Variants in CUL4A observed in about 807,000 individuals in gnomAD.
CUL4A encodes cullin-4A.
In CUL4A, 16 loss-of-function variants were observed where a neutral mutation model predicts 95.5. The observed-to-expected ratio is 0.17, with a 90% CI of 0.11 to 0.25. CUL4A has a LOEUF of 0.25. Among genes scored for constraint, CUL4A ranks in the 10% least tolerant of loss-of-function variants. CUL4A has a pLI of 1.00. For missense variants in CUL4A, 610 were observed against 937.0 expected, an observed-to-expected ratio of 0.65 and a Z score of 4.56; for synonymous variants, 380 against 353.1, an observed-to-expected ratio of 1.08 and a Z score of -0.85.
Position 113,236,505 on chromosome 13 carries a change from C to A in CUL4A, c.849-318C>A, listed in dbSNP as rs867746575. 2.0e-5 allele frequency among the ~76,000 whole-genome samples: 3 copies of A among 152,146 alleles called. No individual in the cohort carries two copies. The East Asian group carries it at 5.8e-4, about 29-fold the overall frequency. On this transcript the variant is annotated intron_variant, in intron 8 of 19. Coordinates refer to ENST00000375440, the MANE Select transcript of CUL4A (RefSeq NM_001008895.4). Reference sequence around the variant, plus strand: ...CCGTAAGATGGTGCATTAAAACGTTCCTTATAAACTGGAAATGAAGGCTTG... The same window carrying A: ...CCGTAAGATGGTGCATTAAAACGTTACTTATAAACTGGAAATGAAGGCTTG...
intron 18 of CUL4A, among the ~76,000 whole-genome samples, chr13:113,259,342 A>C (rs112490489): frequency 1.7e-3 from 258 of 152,264 alleles, no homozygotes; most frequent in African/African-American, 5.8e-3. Context: ...AAATGTGATG[A>C]AAGCTTGGAG....
intron 18 of CUL4A, among the ~76,000 whole-genome samples, chr13:113,256,939 T>G (rs1595430997): frequency 7.2e-6 from 1 of 139,210 alleles, no homozygotes; most frequent in African/African-American, 2.7e-5. Context: ...TTTTTTTTTT[T>G]TTTTTTTTTT....
chr13:113,245,267 T>C, intron 14 of CUL4A, 30 bp downstream of exon 14: 1 of 1,593,730 alleles, frequency 6.3e-7, no homozygotes, highest in Non-Finnish European at 8.6e-7. Context: ...TAAAGCGGCT[T>C]TTTAAAAAGT....
At chr13:113,224,407 A>G (rs138227452) in intron 3 of CUL4A, among the ~76,000 whole-genome samples, 48 of 152,272 alleles carry the variant, frequency 3.2e-4, no homozygotes, top group African/African-American at 1.1e-3. Flanking sequence ...GTAGATAACT[A>G]TAGATGAAAC....
chr13:113,208,423 C>T (rs2040114218), upstream of CUL4A: 2 of 1,492,732 alleles, frequency 1.3e-6, no homozygotes, highest in Admixed American at 2.1e-5. Context: ...ACTCGGGCCG[C>T]CTTCCCGAGT....
At chr13:113,209,130 G>C (rs990755338), upstream of CUL4A, among the ~76,000 whole-genome samples, 7 of 150,562 alleles carry the variant, frequency 4.6e-5, no homozygotes, top group African/African-American at 9.8e-5. Flanking sequence ...GTTAGGGCAC[G>C]TCCCGGCGCG....
At position 113,266,368 on chromosome 13, in the gene CUL4A, A is replaced by C. The variant is rs1259731722; in HGVS notation, c.*2786A>C. On this transcript the variant is annotated 3_prime_UTR_variant, in exon 20 of 20. Coordinates refer to ENST00000375440, the MANE Select transcript of CUL4A (RefSeq NM_001008895.4). ...CCCCAAAAAAGATAAAATACCTAGT[A>C]ACAAATAGGGAAACACCTATGTGAA... is the stretch of plus-strand genomic sequence containing the variant. 1 of 152,218 alleles carries C rather than the reference A, an allele frequency of 6.6e-6. No individual in the cohort carries two copies. Among genetic ancestry groups the C allele is most frequent in the East Asian group, 1.9e-4 (1 of 5,200 alleles). 9.4% of individuals were successfully genotyped at this position (152,218 alleles called of 1,614,324 possible). A position where few individuals can be genotyped will look rare whatever the true frequency, so the allele number is the denominator to read the frequency against.
intron 15 of CUL4A, among the ~76,000 whole-genome samples, chr13:113,252,826 T>A (rs2042028489): frequency 6.6e-6 from 1 of 152,236 alleles, no homozygotes; most frequent in East Asian, 1.9e-4. Flanking sequence ...CAAGCCCTGG[T>A]ATGTACAGAG....
At chr13:113,234,319 AT>A (rs2041463722) in intron 7 of CUL4A, among the ~76,000 whole-genome samples, 1 of 152,212 alleles carries the variant, frequency 6.6e-6, no homozygotes, top group Admixed American at 6.5e-5. Context: ...AAAATTTTTC[AT>A]TTGTGTGAAG....
chr13:113,249,458 C>T (rs114144826), intron 15 of CUL4A, among the ~76,000 whole-genome samples: 1,669 of 152,336 alleles, frequency 0.011, 34 homozygotes, highest in African/African-American at 0.038. Context: ...GGCTGAATAA[C>T]ATCACATTGT....
chr13:113,254,340 T>G (rs1315923076), intron 16 of CUL4A, among the ~76,000 whole-genome samples: 1 of 152,206 alleles, frequency 6.6e-6, no homozygotes, highest in African/African-American at 2.4e-5. Context: ...AAAGCTGGAC[T>G]GTAATCCCAG....
intron 3 of CUL4A, chr13:113,219,365 C>T (rs1359218173): frequency 3.9e-5 from 9 of 232,482 alleles, no homozygotes; most frequent in East Asian, 2.4e-4. Context: ...CAACAAAGTC[C>T]CATCGACTTG....
upstream of CUL4A, among the ~76,000 whole-genome samples, chr13:113,209,293 C>T (rs1409494230): frequency 6.9e-6 from 1 of 145,422 alleles, no homozygotes; most frequent in African/African-American, 2.5e-5. Flanking sequence ...GGAGGGGGTG[C>T]CCGGAGCCCT....
At chr13:113,253,385 A>G (rs954583095) in intron 16 of CUL4A, among the ~76,000 whole-genome samples, 190 bp downstream of exon 16, 3 of 152,178 alleles carry the variant, frequency 2.0e-5, no homozygotes, top group East Asian at 1.9e-4. Context: ...AAATCAATCC[A>G]TAGAAAACCA....
At position 113,260,060 on chromosome 13, in the gene CUL4A, C is replaced by T. The variant is rs138079156; in HGVS notation, c.2032-547C>T. Among the ~76,000 whole-genome samples the T allele has an allele frequency of 1.9e-4, 28 of 150,192 alleles. 1 individual carries two copies. In the East Asian group the frequency reaches 4.1e-3, roughly 22 times the overall value. ...CTCTACTAAAAATACAAAAATGAGC[C>T]GGGCATGGTGGGGGGGCACCGTAGT... On this transcript the variant is annotated intron_variant, in intron 18 of 19. Coordinates refer to ENST00000375440, the MANE Select transcript of CUL4A (RefSeq NM_001008895.4).
chr13:113,261,654 C>T (rs2042279788), intron 19 of CUL4A, among the ~76,000 whole-genome samples: 1 of 152,228 alleles, frequency 6.6e-6, no homozygotes. Flanking sequence ...CAGAGGTGAG[C>T]AAGAGTGGAG....
At chr13:113,234,656 A>G (rs2041478129) in intron 7 of CUL4A, among the ~76,000 whole-genome samples, 1 of 152,154 alleles carries the variant, frequency 6.6e-6, no homozygotes, top group African/African-American at 2.4e-5. Context: ...GGTGTCCCCC[A>G]AATGAACAAC....
chr13:113,233,657 A>T (rs1299756342), intron 6 of CUL4A, among the ~76,000 whole-genome samples: 1 of 152,206 alleles, frequency 6.6e-6, no homozygotes, highest in African/African-American at 2.4e-5. Flanking sequence ...AGCAACACAC[A>T]CAAAAGACAA....
chr13:113,259,225 A>C (rs1305257505), intron 18 of CUL4A, among the ~76,000 whole-genome samples: 2 of 152,182 alleles, frequency 1.3e-5, no homozygotes, highest in Non-Finnish European at 2.9e-5. Context: ...TTGCATAGTT[A>C]GAACCTCTAA....
Sources: allele counts gnomAD v4.1 joint callset (sites outside exome capture counted in the v4.1 genomes callset), GRCh38; gene constraint gnomAD v4.1.1; transcripts MANE v1.5; gene names NCBI Gene and HGNC (gene_info 2026-07-23, HGNC 2026-07-21).